Variants in HECW2 observed in about 807,000 individuals in gnomAD.
HECW2 encodes the protein E3 ubiquitin-protein ligase HECW2.
In HECW2, 61 loss-of-function variants were observed where a neutral mutation model predicts 175.2. The observed-to-expected ratio is 0.35, with a 90% CI of 0.28 to 0.43. The LOEUF (loss-of-function observed/expected upper bound fraction) is 0.43, where lower values mean the gene tolerates loss of function less well. Among genes scored for constraint, HECW2 ranks in the 20% least tolerant of loss-of-function variants. The pLI, the probability that HECW2 is intolerant of heterozygous loss-of-function variation, is 1.00. For missense variants in HECW2, 1,524 were observed against 2,000.5 expected, an observed-to-expected ratio of 0.76 and a Z score of 4.54; for synonymous variants, 671 against 731.0, an observed-to-expected ratio of 0.92 and a Z score of 1.32.
rs374392300 is a variant in HECW2, at chr2:196,432,130, A to C, written c.292+1002T>G. 1.1e-4 allele frequency among the ~76,000 whole-genome samples: 17 copies of C among 152,308 alleles called. No homozygotes were observed. In the East Asian group the frequency reaches 2.7e-3, roughly 24 times the overall value. On this transcript the variant is annotated intron_variant, in intron 2 of 28. Coordinates refer to ENST00000644978, the MANE Select transcript of HECW2 (RefSeq NM_001348768.2). ...ATCCCCCTACCCAGTTGTGACAACC[A>C]AAAATGTCTCCAAACCTTGCCGAAT...
chr2:196,508,729 A>G (rs1051041297), intron 1 of HECW2, among the ~76,000 whole-genome samples: 3 of 152,122 alleles, frequency 2.0e-5, no homozygotes, highest in African/African-American at 7.2e-5. Flanking sequence ...GCAGGGGATG[A>G]GCACCCCCAT....
chr2:196,501,164 T>C (rs1233470621), intron 1 of HECW2, among the ~76,000 whole-genome samples: 1 of 152,220 alleles, frequency 6.6e-6, no homozygotes, highest in East Asian at 1.9e-4. Flanking sequence ...AAATTATAAG[T>C]TATAAAAGGT....
At chr2:196,473,574 A>T (rs1175599029) in intron 1 of HECW2, among the ~76,000 whole-genome samples, 1 of 152,162 alleles carries the variant, frequency 6.6e-6, no homozygotes, top group Non-Finnish European at 1.5e-5. Flanking sequence ...TTTTTTAGAG[A>T]TAATTTATTA....
In HECW2 at chr2:196,201,059, C is replaced by T. The variant is rs1010661650; in HGVS notation, c.*218G>A. The T allele has an allele frequency of 2.5e-5, 12 of 487,572 alleles. No individual in the cohort carries two copies. The highest frequency in any genetic ancestry group is 3.9e-5 in the African/African-American group (2 of 51,538). 30.2% of individuals were successfully genotyped at this position (487,572 alleles called of 1,614,324 possible). A position where few individuals can be genotyped will look rare whatever the true frequency, so the allele number is the denominator to read the frequency against. ...CAGTCAAGAACTGTTGATTGAAAGACGGTTGGGTTGTTCCCTGGGCATCAA... is the reference window on the plus strand; with the variant it reads ...CAGTCAAGAACTGTTGATTGAAAGATGGTTGGGTTGTTCCCTGGGCATCAA... On this transcript the variant is annotated 3_prime_UTR_variant, in exon 29 of 29. Transcript: ENST00000644978.
chr2:196,247,200 G>A (rs760041942), intron 19 of HECW2, among the ~76,000 whole-genome samples: 33 of 152,218 alleles, frequency 2.2e-4, no homozygotes, highest in Non-Finnish European at 3.4e-4. Context: ...GCAGCGAGCC[G>A]ACATCGCACC....
chr2:196,397,446 C>G (rs1324463718), intron 2 of HECW2, among the ~76,000 whole-genome samples: 1 of 152,220 alleles, frequency 6.6e-6, no homozygotes, highest in East Asian at 1.9e-4. Flanking sequence ...TGGCCATCCT[C>G]TAGGGATGTA....
At chr2:196,451,115 T>C (rs1465226659) in intron 1 of HECW2, among the ~76,000 whole-genome samples, 1 of 151,554 alleles carries the variant, frequency 6.6e-6, no homozygotes, top group Non-Finnish European at 1.5e-5. Context: ...AAGCTGAAAG[T>C]TGTCAAAAAA....
chr2:196,488,619 GAAGA>G (rs1051444963), intron 1 of HECW2, among the ~76,000 whole-genome samples: 14 of 150,064 alleles, frequency 9.3e-5, no homozygotes, highest in Non-Finnish European at 1.5e-4. Flanking sequence ...ATTTTATCAT[GAAGA>G]ATGAATACAC....
chr2:196,467,544 T>C (rs537347283), intron 1 of HECW2, among the ~76,000 whole-genome samples: 57 of 152,218 alleles, frequency 3.7e-4, no homozygotes, highest in Non-Finnish European at 7.3e-4. Flanking sequence ...CTAATGTTGG[T>C]TTCAGCGTCT....
intron 1 of HECW2, among the ~76,000 whole-genome samples, chr2:196,585,783 C>G (rs1690953505): frequency 6.6e-6 from 1 of 152,134 alleles, no homozygotes. Flanking sequence ...AGAAATCATT[C>G]ATTTTTTCTA....
chr2:196,395,674 T>C (rs1373531642), intron 2 of HECW2, among the ~76,000 whole-genome samples: 1 of 149,634 alleles, frequency 6.7e-6, no homozygotes, highest in African/African-American at 2.5e-5. Flanking sequence ...ATCACAATGA[T>C]ACCACTGTGC....
At chr2:196,306,797 A>G (rs1691282622) in intron 12 of HECW2, among the ~76,000 whole-genome samples, 185 bp from the exon 13 acceptor site, 1 of 152,108 alleles carries the variant, frequency 6.6e-6, no homozygotes, top group Non-Finnish European at 1.5e-5. Flanking sequence ...TCTTAATTAC[A>G]CTAAAATTCA....
chr2:196,518,046 G>A (rs1056860532), intron 1 of HECW2, among the ~76,000 whole-genome samples: 4 of 152,108 alleles, frequency 2.6e-5, no homozygotes, highest in Admixed American at 1.3e-4. Context: ...ATATAAATAC[G>A]AAGGGGAGAA....
At chr2:196,351,908 C>CT (rs1456519302) in intron 2 of HECW2, among the ~76,000 whole-genome samples, 3 of 152,150 alleles carry the variant, frequency 2.0e-5, no homozygotes, top group Admixed American at 2.0e-4. Context: ...GACTGCTTGA[C>CT]TGTTAAAATG....
intron 1 of HECW2, among the ~76,000 whole-genome samples, chr2:196,497,394 G>A (rs1264963804): frequency 6.6e-6 from 1 of 152,182 alleles, no homozygotes; most frequent in Non-Finnish European, 1.5e-5. Context: ...TTCAAATATT[G>A]TAGTTCCTAG....
chr2:196,413,210 C>T (rs1198405249), intron 2 of HECW2, among the ~76,000 whole-genome samples: 1 of 152,136 alleles, frequency 6.6e-6, no homozygotes. Context: ...AAAAATTAGC[C>T]AGGCATGGTG....
intron 28 of HECW2, among the ~76,000 whole-genome samples, chr2:196,204,733 G>T (rs1487894444): frequency 6.6e-6 from 1 of 152,184 alleles, no homozygotes; most frequent in Non-Finnish European, 1.5e-5. Flanking sequence ...CCAGTAACAG[G>T]TCTCAAGGTA....
In HECW2 at chr2:196,331,407, T is replaced by C. The variant is rs1692354046; in HGVS notation, c.496-1757A>G. ...GACTATGACTGAGACACACCCTCGG[T>C]AACCTGCCATTCCTTCTGTGCCTGG... is the stretch of plus-strand genomic sequence containing the variant. On this transcript the variant is annotated intron_variant, in intron 4 of 28. Transcript: ENST00000644978. 4 of 428,818 alleles carry C rather than the reference T, an allele frequency of 9.3e-6. No individual in the cohort carries two copies. In the South Asian group the frequency reaches 3.0e-4, roughly 32 times the overall value. The allele number at this position is 428,818 out of a possible 1,614,324, so 26.6% of individuals were successfully genotyped here. A position where few individuals can be genotyped will look rare whatever the true frequency, so the allele number is the denominator to read the frequency against.
chr2:196,437,626 C>CAAAAAAAAAAAAAAA (rs1575541969), intron 1 of HECW2, among the ~76,000 whole-genome samples: 1 of 17,470 alleles, frequency 5.7e-5, no homozygotes. Flanking sequence ...AAAAAAAAAG[C>CAAAAAAAAAAAAAAA]ACCAGCCTTG....
Sources: allele counts gnomAD v4.1 joint callset (sites outside exome capture counted in the v4.1 genomes callset), GRCh38; gene constraint gnomAD v4.1.1; transcripts MANE v1.5; gene names NCBI Gene and HGNC (gene_info 2026-07-23, HGNC 2026-07-21).